COL4A5: variants seen among roughly 807,000 people sequenced by gnomAD.
The protein encoded by COL4A5 is collagen alpha-5(IV) chain.
In COL4A5, 26 loss-of-function variants were observed where a neutral mutation model predicts 130.2. The ratio of observed to expected loss-of-function variants is 0.20; its 90% CI spans 0.15 to 0.28. The LOEUF (loss-of-function observed/expected upper bound fraction) is 0.28. COL4A5 is among the 10% of genes least tolerant of loss of function. The pLI is 1.00. For synonymous variants in COL4A5, 496 were observed against 439.6 expected (o/e 1.13, Z -1.60); for missense variants, 1,131 against 1,344.3 (o/e 0.84, Z 2.48).
intron 34 of COL4A5, among the ~76,000 whole-genome samples, chrX:108,624,546 T>G (rs923091269): frequency 9.1e-6 from 1 of 109,975 alleles, no homozygotes; most frequent in African/African-American, 3.2e-5. Context: ...TTGCCTTGAT[T>G]ATTCAGTTTC....
chrX:108,528,925 A>C (rs979702446), intron 1 of COL4A5, among the ~76,000 whole-genome samples: 1 of 112,228 alleles, frequency 8.9e-6, no homozygotes, highest in African/African-American at 3.2e-5. Context: ...TCCCAAGTCT[A>C]GTGAGAGATT....
chrX:108,593,126 T>C, intron 21 of COL4A5, among the ~76,000 whole-genome samples: 1 of 111,853 alleles, frequency 8.9e-6, no homozygotes. Flanking sequence ...TAAATATTCT[T>C]GTACGTGTAT....
At chrX:108,690,748 G>C (rs1347994114) in intron 49 of COL4A5, among the ~76,000 whole-genome samples, 2 of 111,148 alleles carry the variant, frequency 1.8e-5, no homozygotes, top group African/African-American at 3.3e-5. Context: ...CAAATTCAAA[G>C]GGATAATTCA....
chrX:108,485,360 T>A (rs1008016307), intron 1 of COL4A5, among the ~76,000 whole-genome samples: 4 of 111,803 alleles, frequency 3.6e-5, no homozygotes, highest in Non-Finnish European at 7.5e-5. Flanking sequence ...CTCCTTTTCT[T>A]AAGCAGAAGG....
intron 1 of COL4A5, among the ~76,000 whole-genome samples, chrX:108,488,182 G>T (rs1422536951): frequency 8.9e-6 from 1 of 112,287 alleles, no homozygotes; most frequent in African/African-American, 3.2e-5. Context: ...CACAAGCACA[G>T]GCACTTGCAA....
At chrX:108,516,167 A>G (rs952546456) in intron 1 of COL4A5, among the ~76,000 whole-genome samples, 8 of 112,044 alleles carry the variant, frequency 7.1e-5, no homozygotes, top group South Asian at 7.4e-4. Context: ...GCAAAAACCA[A>G]TTTCTTCTTA....
intron 2 of COL4A5, among the ~76,000 whole-genome samples, chrX:108,547,044 T>A (rs1382509329): frequency 8.9e-6 from 1 of 111,989 alleles, no homozygotes; most frequent in East Asian, 2.8e-4. Context: ...CTTGTTTGCA[T>A]TGGGTTCGAA....
At chrX:108,500,506 A>G (rs910722878) in intron 1 of COL4A5, among the ~76,000 whole-genome samples, 1 of 112,299 alleles carries the variant, frequency 8.9e-6, no homozygotes, top group Non-Finnish European at 1.9e-5. Flanking sequence ...GATAGGGGAA[A>G]GGGAGATGAA....
Position 108,640,106 on chromosome X carries a change from C to T in COL4A5, c.3246+13757C>T, listed in dbSNP as rs1484234270. On this transcript the variant is annotated intron_variant, in intron 36 of 52. Transcript: ENST00000328300. ...GTTTTTGTAGCCATGCTTCTAGCAA[C>T]ATTATTCACAAGTCACAAGGTGGAA... Among the ~76,000 whole-genome samples, 3 of 111,940 alleles carry T rather than the reference C, an allele frequency of 2.7e-5. No individual in the cohort carries two copies. In the Admixed American group the frequency reaches 2.8e-4, roughly 11 times the overall value.
At chrX:108,661,090 A>T (rs1009109665) in intron 37 of COL4A5, among the ~76,000 whole-genome samples, 3 of 112,295 alleles carry the variant, frequency 2.7e-5, no homozygotes, top group Non-Finnish European at 5.6e-5. Context: ...TATACGGCCT[A>T]AATGTATAAT....
chrX:108,483,270 G>A lies in COL4A5; in HGVS notation c.81+43064G>A, dbSNP rs113335411. Among the ~76,000 whole-genome samples the A allele has an allele frequency of 7.2e-3, 784 of 108,946 alleles. 4 individuals carry two copies. The highest frequency in any genetic ancestry group is 0.038 in the East Asian group (131 of 3,408). The allele number at this position is 108,946 out of a possible 115,157, so 94.6% of individuals were successfully genotyped here. On this transcript the variant is annotated intron_variant, in intron 1 of 52. Transcript: ENST00000328300. ...GTGTATGTAAAGGGGAGTTTATTACGTATTAACGTACATGATCACAAGGTC... is the reference window on the plus strand; with the variant it reads ...GTGTATGTAAAGGGGAGTTTATTACATATTAACGTACATGATCACAAGGTC...
At chrX:108,528,209 C>G (rs2065346431) in intron 1 of COL4A5, among the ~76,000 whole-genome samples, 1 of 112,083 alleles carries the variant, frequency 8.9e-6, no homozygotes, top group Admixed American at 9.4e-5. Flanking sequence ...ACAACTTCAC[C>G]ACAGCCTTCA....
At chrX:108,532,645 C>G (rs1156231821) in intron 1 of COL4A5, among the ~76,000 whole-genome samples, 2 of 110,966 alleles carry the variant, frequency 1.8e-5, no homozygotes, top group East Asian at 5.6e-4. Context: ...AATTGCCCCT[C>G]TTTACCGATA....
At position 108,614,949 on chromosome X, in the gene COL4A5, C is replaced by A; in HGVS notation, c.2434C>A (p.Pro812Thr). 1.7e-6 allele frequency: 2 copies of A among 1,210,394 alleles called. No homozygotes were observed. The highest frequency in any genetic ancestry group is 2.2e-6 in the Non-Finnish European group (2 of 894,325). ...GPNGQPGPMG[P>T]PGLPGIGVQG... ...AAATGGACAACCTGGACCAATGGGA[C>A]CTCCTGGGCTGCCAGGAATAGGTGT... is the stretch of plus-strand genomic sequence containing the variant. The change falls in exon 30 of 53, where the codon CCT (proline) becomes ACT (threonine). Residue 812 changes from proline (P) to threonine (T), a missense_variant. By Grantham distance (38) the Pro-to-Thr change is conservative. Transcript: ENST00000328300.
At chrX:108,648,636 G>T (rs957578507) in intron 36 of COL4A5, among the ~76,000 whole-genome samples, 97 of 111,480 alleles carry the variant, frequency 8.7e-4, no homozygotes, top group African/African-American at 3.0e-3. Flanking sequence ...AAAAACAAAA[G>T]TCACACGATC....
chrX:108,445,150 A>G (rs372948398), intron 1 of COL4A5, among the ~76,000 whole-genome samples: 125 of 111,337 alleles, frequency 1.1e-3, no homozygotes, highest in African/African-American at 3.6e-3. Context: ...ATTTCTTACT[A>G]CATCAACTCT....
At chrX:108,609,353 A>AC in intron 29 of COL4A5, among the ~76,000 whole-genome samples, 1 of 111,908 alleles carries the variant, frequency 8.9e-6, no homozygotes, top group East Asian at 2.8e-4. Context: ...TTCCCTGATG[A>AC]CTAATGATGT....
At chrX:108,474,491 T>G (rs1435894685) in intron 1 of COL4A5, among the ~76,000 whole-genome samples, 1 of 112,083 alleles carries the variant, frequency 8.9e-6, no homozygotes, top group Non-Finnish European at 1.9e-5. Context: ...GCAGGTACAC[T>G]CTATGATGTT....
chrX:108,475,552 C>G lies in COL4A5; in HGVS notation c.81+35346C>G, dbSNP rs748586829. ...TAGTGGGAAGGCATTCAGTCTGTTACCATTAAATGTGATATTATCTCAGTG... is the reference window on the plus strand; with the variant it reads ...TAGTGGGAAGGCATTCAGTCTGTTAGCATTAAATGTGATATTATCTCAGTG... On this transcript the variant is annotated intron_variant, in intron 1 of 52. Coordinates refer to ENST00000328300, the MANE Select transcript of COL4A5 (RefSeq NM_033380.3). 9.0e-5 allele frequency among the ~76,000 whole-genome samples: 10 copies of G among 111,253 alleles called. No homozygotes were observed. The East Asian group carries it at 2.5e-3, about 28-fold the overall frequency.
Sources: gnomAD v4.1 joint callset for allele counts (sites outside exome capture counted in the v4.1 genomes callset) on GRCh38, gnomAD v4.1.1 for gene constraint, MANE v1.5 for transcripts, NCBI Gene and HGNC (gene_info 2026-07-23, HGNC 2026-07-21) for gene names.